The following RABGAP1L variants were observed in gnomAD, a reference collection of about 807,000 sequenced individuals.
RABGAP1L encodes RAB GTPase activating protein 1 like, also known as rab GTPase-activating protein 1-like.
RABGAP1L carries 63 observed loss-of-function variants against 137.7 expected under a neutral mutation model. The ratio of observed to expected loss-of-function variants is 0.46; its 90% CI spans 0.37 to 0.56. The LOEUF is 0.56. RABGAP1L is among the 20% of genes least tolerant of loss of function. The probability of loss-of-function intolerance (pLI) is 0.00; values close to 1 mark genes in which losing one functional copy is unlikely to be tolerated. For missense variants in RABGAP1L, 1,095 were observed against 1,244.0 expected (o/e 0.88, Z 1.80); for synonymous variants, 431 against 433.7 (o/e 0.99, Z 0.08).
At chr1:174,815,190 C>T (rs146909576) in intron 19 of RABGAP1L, among the ~76,000 whole-genome samples, 72 of 152,210 alleles carry the variant, frequency 4.7e-4, no homozygotes, top group African/African-American at 1.4e-3. Context: ...CTGTAGATGA[C>T]GAGGTGTTAC....
intron 19 of RABGAP1L, among the ~76,000 whole-genome samples, chr1:174,819,385 C>CTA (rs1377779942): frequency 6.6e-6 from 1 of 151,962 alleles, no homozygotes; most frequent in African/African-American, 2.4e-5. Context: ...TGAGCACCTA[C>CTA]TATATGCCAG....
At position 174,581,668 on chromosome 1, in the gene RABGAP1L, C is replaced by T. The variant is rs115844950; in HGVS notation, c.1711-55707C>T. On this transcript the variant is annotated intron_variant, in intron 13 of 25. Coordinates refer to ENST00000681986, the MANE Select transcript of RABGAP1L (RefSeq NM_001366446.1). ...ATATGCCAAAAGTCATGGAATTGTA[C>T]GCTTTAAACGGGTAAATTTTTTCGT... is the stretch of plus-strand genomic sequence containing the variant. Among the ~76,000 whole-genome samples, 194 of 152,126 alleles carry T rather than the reference C, an allele frequency of 1.3e-3. 1 individual carries two copies. Among genetic ancestry groups the T allele is most frequent in the African/African-American group, 4.2e-3 (173 of 41,492 alleles).
At chr1:174,188,116 T>C (rs566893682) in intron 1 of RABGAP1L, among the ~76,000 whole-genome samples, 1 of 152,272 alleles carries the variant, frequency 6.6e-6, no homozygotes, top group South Asian at 2.1e-4. Context: ...GCAGTAAGTG[T>C]TTAGTGTTTG....
At chr1:174,865,875 G>T (rs1651115571) in intron 19 of RABGAP1L, among the ~76,000 whole-genome samples, 1 of 152,138 alleles carries the variant, frequency 6.6e-6, no homozygotes, top group Admixed American at 6.6e-5. Context: ...ACTGCAATCT[G>T]TAAGACTGTA....
At position 174,355,422 on chromosome 1, in the gene RABGAP1L, G is replaced by T. The variant is rs367904608; in HGVS notation, c.1466-15557G>T. 5.5e-5 allele frequency among the ~76,000 whole-genome samples: 8 copies of T among 145,096 alleles called. No homozygotes were observed. The South Asian group carries it at 1.5e-3, about 28-fold the overall frequency. ...GGTGGGAATTGAACAATGAGAACACGTGGACACAGGAAGGGGAACATCACA... is the reference window on the plus strand; with the variant it reads ...GGTGGGAATTGAACAATGAGAACACTTGGACACAGGAAGGGGAACATCACA... On this transcript the variant is annotated intron_variant, in intron 11 of 25. Coordinates refer to ENST00000681986, the MANE Select transcript of RABGAP1L (RefSeq NM_001366446.1).
At chr1:174,270,100 G>C (rs1674427245) in intron 7 of RABGAP1L, among the ~76,000 whole-genome samples, 1 of 151,900 alleles carries the variant, frequency 6.6e-6, no homozygotes, top group Non-Finnish European at 1.5e-5. Context: ...AGTGCTTAAA[G>C]TTCATGTATT....
At chr1:174,300,991 G>A (rs969038289) in intron 10 of RABGAP1L, among the ~76,000 whole-genome samples, 1 of 152,192 alleles carries the variant, frequency 6.6e-6, no homozygotes, top group Non-Finnish European at 1.5e-5. Flanking sequence ...TAACACCCCT[G>A]TCCGGGTTTT....
intron 13 of RABGAP1L, chr1:174,545,142 G>C (rs921545975): frequency 6.6e-6 from 1 of 152,458 alleles, no homozygotes; most frequent in Non-Finnish European, 1.5e-5. Context: ...TGTCAGACAG[G>C]GACATTTAAG....
At chr1:174,390,529 A>G (rs551894915) in intron 12 of RABGAP1L, among the ~76,000 whole-genome samples, 1 of 152,300 alleles carries the variant, frequency 6.6e-6, no homozygotes, top group African/African-American at 2.4e-5. Context: ...TCATTATGCA[A>G]AATAATCTGG....
At chr1:174,386,689 A>C (rs1040455171) in intron 12 of RABGAP1L, among the ~76,000 whole-genome samples, 3 of 151,922 alleles carry the variant, frequency 2.0e-5, no homozygotes, top group Non-Finnish European at 4.4e-5. Context: ...TTGTATCTTT[A>C]GTAGAGACGG....
At chr1:174,914,133 C>T (rs76562106) in intron 19 of RABGAP1L, among the ~76,000 whole-genome samples, 2 of 152,118 alleles carry the variant, frequency 1.3e-5, no homozygotes, top group Non-Finnish European at 2.9e-5. Flanking sequence ...TCTTTATTTT[C>T]TAAACTGTGA....
At position 174,472,574 on chromosome 1, in the gene RABGAP1L, C is replaced by T. The variant is rs182957449; in HGVS notation, c.1710+78429C>T. 6.6e-5 allele frequency among the ~76,000 whole-genome samples: 10 copies of T among 152,292 alleles called. No homozygotes were observed. In the East Asian group the frequency reaches 9.7e-4, roughly 15 times the overall value. On this transcript the variant is annotated intron_variant, in intron 13 of 25. Coordinates refer to ENST00000681986, the MANE Select transcript of RABGAP1L (RefSeq NM_001366446.1). Reference sequence around the variant, plus strand: ...GGGGCAAAGTCTGGAGGAAACCAGGCACATACTTCCGAATCTTCTCCCAGT... The same window carrying T: ...GGGGCAAAGTCTGGAGGAAACCAGGTACATACTTCCGAATCTTCTCCCAGT...
chr1:174,355,229 A>G (rs551441950), intron 11 of RABGAP1L, among the ~76,000 whole-genome samples: 5 of 152,250 alleles, frequency 3.3e-5, no homozygotes, highest in South Asian at 2.1e-4. Flanking sequence ...TCCAACCGCT[A>G]TAGACTGGAT....
intron 18 of RABGAP1L, among the ~76,000 whole-genome samples, chr1:174,806,574 C>T (rs1203045589): frequency 6.6e-6 from 1 of 152,236 alleles, no homozygotes; most frequent in African/African-American, 2.4e-5. Context: ...TGCTACCGCA[C>T]TTCAGACTGG....
chr1:174,719,665 G>T (rs1681327442), intron 17 of RABGAP1L, among the ~76,000 whole-genome samples: 1 of 152,182 alleles, frequency 6.6e-6, no homozygotes, highest in Non-Finnish European at 1.5e-5. Context: ...GAGTATTGAG[G>T]ACTGGGATGA....
At chr1:174,540,300 A>G (rs1016608019) in intron 13 of RABGAP1L, among the ~76,000 whole-genome samples, 2 of 152,174 alleles carry the variant, frequency 1.3e-5, no homozygotes, top group African/African-American at 4.8e-5. Context: ...TAGTTTAATT[A>G]AATCCCATTT....
intron 21 of RABGAP1L, among the ~76,000 whole-genome samples, chr1:174,970,367 TTC>T (rs1344896007): frequency 6.6e-6 from 1 of 152,248 alleles, no homozygotes; most frequent in Non-Finnish European, 1.5e-5. Context: ...TCACACTTGA[TTC>T]TGCCATTTTG....
intron 1 of RABGAP1L, among the ~76,000 whole-genome samples, chr1:174,178,533 G>A (rs1162481823): frequency 1.3e-5 from 2 of 152,154 alleles, no homozygotes; most frequent in African/African-American, 4.8e-5. Flanking sequence ...AGATGCACAC[G>A]TATGTTTATT....
intron 19 of RABGAP1L, chr1:174,877,387 C>G (rs1343200989): frequency 1.5e-5 from 23 of 1,505,772 alleles, no homozygotes; most frequent in Non-Finnish European, 1.8e-5. Context: ...CCCCCTCGAA[C>G]TCAGGTGGGT....
Sources: allele counts gnomAD v4.1 joint callset (sites outside exome capture counted in the v4.1 genomes callset), GRCh38; gene constraint gnomAD v4.1.1; transcripts MANE v1.5; gene names NCBI Gene and HGNC (gene_info 2026-07-23, HGNC 2026-07-21).